Variants in SEC22A observed in about 807,000 individuals in gnomAD.
SEC22A encodes the protein vesicle-trafficking protein SEC22a.
Under a neutral mutation model 35.3 loss-of-function variants are expected in SEC22A, and 22 were observed. The observed-to-expected ratio is 0.62, with a 90% confidence interval of 0.45 to 0.89. The LOEUF (loss-of-function observed/expected upper bound fraction) is 0.89. Among genes scored for constraint, SEC22A ranks in the 40% least tolerant of loss-of-function variants. The pLI is 0.00. For missense variants in SEC22A, 354 were observed against 362.5 expected (o/e 0.98, Z 0.19); for synonymous variants, 119 against 129.5 (o/e 0.92, Z 0.55).
intron 4 of SEC22A, among the ~76,000 whole-genome samples, chr3:123,229,156 A>G (rs1389044748): frequency 1.3e-5 from 2 of 152,186 alleles, no homozygotes; most frequent in East Asian, 1.9e-4. Context: ...TCCAAATGGG[A>G]TACACACGAG....
intron 4 of SEC22A, chr3:123,243,663 A>G (rs1937544312): frequency 6.6e-6 from 1 of 152,216 alleles, no homozygotes; most frequent in East Asian, 1.9e-4. Flanking sequence ...TGAGGGCAGA[A>G]TATGTAATTC....
intron 6 of SEC22A, among the ~76,000 whole-genome samples, chr3:123,263,747 G>A (rs143177877): frequency 5.9e-5 from 9 of 152,056 alleles, no homozygotes; most frequent in Admixed American, 2.0e-4. Flanking sequence ...CTCGTGATCC[G>A]CCCACCTCAG....
chr3:123,234,480 A>G (rs1447041337), intron 4 of SEC22A, among the ~76,000 whole-genome samples: 1 of 152,174 alleles, frequency 6.6e-6, no homozygotes, highest in Non-Finnish European at 1.5e-5. Flanking sequence ...ATGGTTAACT[A>G]ATTTTCAACA....
chr3:123,260,431 T>C (rs1937865491), intron 6 of SEC22A, among the ~76,000 whole-genome samples: 1 of 151,922 alleles, frequency 6.6e-6, no homozygotes, highest in African/African-American at 2.4e-5. Flanking sequence ...TAGAAAAAAA[T>C]AGACATTGAG....
chr3:123,214,878 C>G (rs907498868), intron 2 of SEC22A, among the ~76,000 whole-genome samples: 2 of 152,128 alleles, frequency 1.3e-5, no homozygotes, highest in Non-Finnish European at 2.9e-5. Flanking sequence ...TCATTTGAAG[C>G]CGTATAATCG....
chr3:123,251,545 G>A (rs2108085232), intron 5 of SEC22A, among the ~76,000 whole-genome samples: 1 of 152,248 alleles, frequency 6.6e-6, no homozygotes, highest in South Asian at 2.1e-4. Flanking sequence ...CCCACCTGAA[G>A]TATTCCACAT....
chr3:123,238,397 C>T (rs1205267570), intron 4 of SEC22A, among the ~76,000 whole-genome samples: 6 of 152,022 alleles, frequency 3.9e-5, no homozygotes, highest in Non-Finnish European at 1.5e-5. Context: ...AGGGTTTCAC[C>T]ATGTTGGCCA....
intron 4 of SEC22A, among the ~76,000 whole-genome samples, chr3:123,237,668 A>T (rs1039441199): frequency 6.6e-6 from 1 of 152,072 alleles, no homozygotes; most frequent in African/African-American, 2.4e-5. Flanking sequence ...GACACTCAGG[A>T]TTCAGGTATA....
intron 2 of SEC22A, among the ~76,000 whole-genome samples, chr3:123,214,411 T>G (rs1379452788): frequency 6.6e-6 from 1 of 152,190 alleles, no homozygotes; most frequent in African/African-American, 2.4e-5. Context: ...ATGGTTGTTT[T>G]AGGAATATGA....
intron 5 of SEC22A, among the ~76,000 whole-genome samples, chr3:123,252,922 ACTT>A (rs1937631744): frequency 6.6e-6 from 1 of 152,124 alleles, no homozygotes; most frequent in African/African-American, 2.4e-5. Flanking sequence ...GATTATTTTC[ACTT>A]CTTAACTTTG....
chr3:123,245,736 T>A (rs907976972), intron 4 of SEC22A, among the ~76,000 whole-genome samples, 163 bp from the exon 5 acceptor site: 1 of 152,172 alleles, frequency 6.6e-6, no homozygotes, highest in African/African-American at 2.4e-5. Flanking sequence ...TTGTCAAGCA[T>A]TTTTCATTTT....
chr3:123,240,819 A>C (rs2108070964), intron 4 of SEC22A, among the ~76,000 whole-genome samples: 1 of 152,290 alleles, frequency 6.6e-6, no homozygotes, highest in East Asian at 1.9e-4. Flanking sequence ...CTTTAAAAAA[A>C]AAACTTCACA....
intron 4 of SEC22A, among the ~76,000 whole-genome samples, chr3:123,228,627 G>A (rs531526953): frequency 1.3e-5 from 2 of 151,572 alleles, no homozygotes; most frequent in African/African-American, 4.8e-5. Flanking sequence ...CTGTGGGCAT[G>A]GGGTAGAGGG....
intron 4 of SEC22A, among the ~76,000 whole-genome samples, chr3:123,239,051 T>C (rs1937479068): frequency 6.9e-6 from 1 of 145,806 alleles, no homozygotes; most frequent in Admixed American, 6.6e-5. Context: ...ATTTCTATAT[T>C]TTTTTCTTGT....
chr3:123,229,435 A>C lies in SEC22A; in HGVS notation c.541+4138A>C, dbSNP rs888031066. On this transcript the variant is annotated intron_variant, in intron 4 of 6. Coordinates refer to ENST00000492595, the MANE Select transcript of SEC22A (RefSeq NM_012430.5). ...CAAATTGCTGAAAGAAAGAAAATAA[A>C]AACTACCAGTAACCAAGAATCTTAT... Among the ~76,000 whole-genome samples the C allele has an allele frequency of 2.6e-4, 39 of 152,254 alleles. 1 individual carries two copies. The highest frequency in any genetic ancestry group is 2.4e-5 in the African/African-American group (1 of 41,460).
At chr3:123,228,025 CT>C (rs1937245709) in intron 4 of SEC22A, among the ~76,000 whole-genome samples, 2 of 151,742 alleles carry the variant, frequency 1.3e-5, no homozygotes, top group Non-Finnish European at 2.9e-5. Context: ...TAGAAGCTTC[CT>C]CTAGACATGC....
At chr3:123,231,653 T>G (rs1937329105) in intron 4 of SEC22A, among the ~76,000 whole-genome samples, 1 of 152,138 alleles carries the variant, frequency 6.6e-6, no homozygotes, top group African/African-American at 2.4e-5. Flanking sequence ...TACCAAAACT[T>G]ACAGGATGTA....
Position 123,225,308 on chromosome 3 carries a change from G to T in SEC22A, c.541+11G>T, listed in dbSNP as rs1322285712. ...GTAAGATTTCTTCTGGTGAGTTCTG[G>T]ATCTCAGTTATTTTATTTTAAAAAA... On this transcript the variant is annotated intron_variant, in intron 4 of 6. Coordinates refer to ENST00000492595, the MANE Select transcript of SEC22A (RefSeq NM_012430.5). 3 of 1,506,970 alleles carry T rather than the reference G, an allele frequency of 2.0e-6. No homozygotes were observed. Among genetic ancestry groups the T allele is most frequent in the Non-Finnish European group, 2.7e-6 (3 of 1,113,658 alleles). 93.3% of individuals were successfully genotyped at this position (1,506,970 alleles called of 1,614,324 possible).
At position 123,272,389 on chromosome 3, in the gene SEC22A, G is replaced by A. The variant is rs1051079634; in HGVS notation, c.*667G>A. The A allele has an allele frequency of 1.3e-5, 2 of 152,088 alleles. No individual in the cohort carries two copies. Among genetic ancestry groups the A allele is most frequent in the Admixed American group, 6.5e-5 (1 of 15,284 alleles). The allele number at this position is 152,088 out of a possible 1,614,324, so 9.4% of individuals were successfully genotyped here. On this transcript the variant is annotated 3_prime_UTR_variant, in exon 7 of 7. Coordinates refer to ENST00000492595, the MANE Select transcript of SEC22A (RefSeq NM_012430.5). ...CTAATCCACATTTATTGTTTCTTTT[G>A]AAATCACGTCTAAAAAATATGACTC...
Sources: gnomAD v4.1 joint callset for allele counts (sites outside exome capture counted in the v4.1 genomes callset) on GRCh38, gnomAD v4.1.1 for gene constraint, MANE v1.5 for transcripts, NCBI Gene and HGNC (gene_info 2026-07-23, HGNC 2026-07-21) for gene names.